MLLT10: variants seen among roughly 807,000 people sequenced by gnomAD.
MLLT10 encodes the protein protein AF-10.
Under a neutral mutation model 129.1 loss-of-function variants are expected in MLLT10, and 30 were observed. The observed-to-expected ratio is 0.23, with a 90% CI of 0.17 to 0.32. The LOEUF (loss-of-function observed/expected upper bound fraction) is 0.32. Among genes scored for constraint, MLLT10 ranks in the 10% least tolerant of loss-of-function variants. The probability of loss-of-function intolerance (pLI) is 1.00; values close to 1 mark genes in which losing one functional copy is unlikely to be tolerated. For synonymous variants in MLLT10, 490 were observed against 446.4 expected (o/e 1.10, Z -1.23); for missense variants, 1,119 against 1,268.3 (o/e 0.88, Z 1.79).
chr10:21,700,863 T>TC (rs2054840955), intron 13 of MLLT10, among the ~76,000 whole-genome samples: 1 of 152,206 alleles, frequency 6.6e-6, no homozygotes, highest in African/African-American at 2.4e-5. Context: ...TAAGGAGAAT[T>TC]CCCTTCTCTT....
chr10:21,656,076 A>C (rs528725436), intron 9 of MLLT10, among the ~76,000 whole-genome samples: 105 of 152,308 alleles, frequency 6.9e-4, no homozygotes, highest in African/African-American at 2.5e-3. Flanking sequence ...CAGGCAAATA[A>C]GATGAGGCCT....
At chr10:21,543,223 C>T (rs899436923) in intron 3 of MLLT10, among the ~76,000 whole-genome samples, 3 of 152,044 alleles carry the variant, frequency 2.0e-5, no homozygotes, top group Non-Finnish European at 2.9e-5. Flanking sequence ...TGGATTCAAG[C>T]GATTTTCCTG....
At chr10:21,641,267 A>G (rs1390331601) in intron 8 of MLLT10, among the ~76,000 whole-genome samples, 1 of 152,218 alleles carries the variant, frequency 6.6e-6, no homozygotes, top group African/African-American at 2.4e-5. Flanking sequence ...TGAAAGTTAA[A>G]AAACAAAATC....
At chr10:21,665,314 G>T (rs1371661413) in intron 9 of MLLT10, among the ~76,000 whole-genome samples, 20 of 92,058 alleles carry the variant, frequency 2.2e-4, no homozygotes, top group African/African-American at 6.7e-4. Flanking sequence ...GGGGGGGGGG[G>T]TTTCACTCTT....
chr10:21,726,240 T>A lies in MLLT10; in HGVS notation c.1879-4T>A. 6.4e-7 allele frequency: 1 copy of A among 1,570,376 alleles called. No homozygotes were observed. The highest frequency in any genetic ancestry group is 8.7e-7 in the Non-Finnish European group (1 of 1,148,510). Reference sequence around the variant, plus strand: ...CATTTATCATTGTAATTTTTTCCATTTAGGCAAATACTCTATCTGGATCTT... The same window carrying A: ...CATTTATCATTGTAATTTTTTCCATATAGGCAAATACTCTATCTGGATCTT... On this transcript the variant is annotated splice_region_variant and splice_polypyrimidine_tract_variant and intron_variant, in intron 14 of 22. Coordinates refer to ENST00000307729, the MANE Select transcript of MLLT10 (RefSeq NM_001195626.3).
chr10:21,615,996 T>C (rs777281433), intron 7 of MLLT10, among the ~76,000 whole-genome samples: 9 of 152,270 alleles, frequency 5.9e-5, no homozygotes, highest in Non-Finnish European at 1.0e-4. Context: ...ATATTTCCCT[T>C]GTGAATGGGG....
At chr10:21,556,977 G>GTGGTC in intron 3 of MLLT10, 1 of 1,517,268 alleles carries the variant, frequency 6.6e-7, no homozygotes, top group Non-Finnish European at 8.8e-7. Flanking sequence ...TGTTTCTGAT[G>GTGGTC]TGGTCTTTTA....
chr10:21,685,960 C>T (rs1057041595), intron 13 of MLLT10, among the ~76,000 whole-genome samples: 37 of 152,136 alleles, frequency 2.4e-4, no homozygotes, highest in African/African-American at 8.9e-4. Flanking sequence ...TATTAAAGAA[C>T]CTAGAAAATA....
chr10:21,595,345 G>A lies in MLLT10; in HGVS notation c.310G>A (p.Val104Ile). 1 of 1,612,854 alleles carries A rather than the reference G, an allele frequency of 6.2e-7. No homozygotes were observed. The highest frequency in any genetic ancestry group is 8.5e-7 in the Non-Finnish European group (1 of 1,179,276). ...RTDNGGWAHV[V>I]CALYIPEVQF... The stretch of plus-strand genomic sequence containing the variant: ...TTTATTTTTAGGTTGGGCCCATGTG[G>A]TTTGTGCCCTGTATATTCCAGAGGT... The change falls in exon 5 of 23, where the codon GTT (valine) becomes ATT (isoleucine). Residue 104 changes from valine (V) to isoleucine (I), a missense_variant. Around this residue, in one of 5 missense-constraint regions of MLLT10, gnomAD observed 3 missense variants for 42.3 expected, o/e 0.07. Coordinates refer to ENST00000307729, the MANE Select transcript of MLLT10 (RefSeq NM_001195626.3).
intron 9 of MLLT10, 135 bp downstream of exon 9, chr10:21,651,903 CTTTTTTTTT>C (rs775460288): frequency 1.3e-4 from 18 of 133,734 alleles, no homozygotes; most frequent in South Asian, 6.0e-4. Flanking sequence ...ATTCTCATTT[CTTTTTTTTT>C]TTTTTTTTTT....
chr10:21,676,595 C>A (rs1438327782), intron 11 of MLLT10, among the ~76,000 whole-genome samples: 1 of 150,548 alleles, frequency 6.6e-6, no homozygotes, highest in Non-Finnish European at 1.5e-5. Flanking sequence ...GTGGCACGCA[C>A]CTGTAGTCCC....
At position 21,538,839 on chromosome 10, in the gene MLLT10, A is replaced by G. The variant is rs1564364824; in HGVS notation, c.167A>G (p.Tyr56Cys). ...GCSVAVHQAC[Y>C]GIVQVPTGPW... Reference sequence around the variant, plus strand: ...ACATTTCATTTTTCAACAGCTTGCTATGGCATTGTTCAAGTACCCACTGGA... The same window carrying G: ...ACATTTCATTTTTCAACAGCTTGCTGTGGCATTGTTCAAGTACCCACTGGA... The change falls in exon 3 of 23, where the codon TAT becomes TGT. Residue 56 changes from tyrosine to cysteine, a missense_variant. Tyr to Cys is a radical substitution (Grantham distance 194). This residue lies in a region of MLLT10 where 33 missense variants were observed against 76.9 expected (regional missense o/e 0.43). Transcript: ENST00000307729. The G allele has an allele frequency of 6.2e-7, 1 of 1,610,782 alleles. No individual in the cohort carries two copies. The highest frequency in any genetic ancestry group is 8.5e-7 in the Non-Finnish European group (1 of 1,177,926).
At chr10:21,651,903 C>CTTTTTTTTTTTTTT (rs775460288) in intron 9 of MLLT10, 135 bp downstream of exon 9, 5 of 129,474 alleles carry the variant, frequency 3.9e-5, no homozygotes, top group African/African-American at 2.5e-4. Context: ...ATTCTCATTT[C>CTTTTTTTTTTTTTT]TTTTTTTTTT....
intron 5 of MLLT10, 71 bp downstream of exon 5, chr10:21,595,511 T>C (rs2042947975): frequency 1.6e-6 from 2 of 1,218,772 alleles, no homozygotes. Context: ...TTTTGTGTTT[T>C]TAAAATCACA....
At chr10:21,573,589 T>A (rs1564436057) in intron 3 of MLLT10, among the ~76,000 whole-genome samples, 1 of 152,098 alleles carries the variant, frequency 6.6e-6, no homozygotes, top group African/African-American at 2.4e-5. Flanking sequence ...TGTCATGGTG[T>A]ATTATTCTTT....
At chr10:21,708,664 A>T (rs1216000788) in intron 13 of MLLT10, 1 of 985,186 alleles carries the variant, frequency 1.0e-6, no homozygotes, top group East Asian at 1.1e-4. Context: ...GTATGTAAGT[A>T]TACGTTGATG....
rs144943617 is a variant in MLLT10, at chr10:21,567,001, C to T, written c.241-19293C>T. 4.8e-3 allele frequency among the ~76,000 whole-genome samples: 726 copies of T among 151,788 alleles called. 5 individuals are homozygous for T. Among genetic ancestry groups the T allele is most frequent in the African/African-American group, 0.017 (690 of 41,422 alleles). ...GCTAATTTTGTATTTTTAGTAGAGACGGAGTTTGTCCATGTTGGTCAGGCT... is the reference window on the plus strand; with the variant it reads ...GCTAATTTTGTATTTTTAGTAGAGATGGAGTTTGTCCATGTTGGTCAGGCT... On this transcript the variant is annotated intron_variant, in intron 3 of 22. Coordinates refer to ENST00000307729, the MANE Select transcript of MLLT10 (RefSeq NM_001195626.3).
intron 8 of MLLT10, chr10:21,626,385 T>C: frequency 1.6e-6 from 1 of 625,810 alleles, no homozygotes; most frequent in African/African-American, 1.8e-5. Context: ...CCCAAGTCTA[T>C]GATTCTTATG....
intron 3 of MLLT10, 98 bp downstream of exon 3, chr10:21,539,010 T>G: frequency 1.3e-6 from 1 of 767,352 alleles, no homozygotes. Flanking sequence ...CAGTCATTTC[T>G]TCAAATATCA....
Sources: allele counts gnomAD v4.1 joint callset (sites outside exome capture counted in the v4.1 genomes callset), GRCh38; gene constraint gnomAD v4.1.1; regional missense constraint gnomAD v4.1.1; transcripts MANE v1.5; gene names NCBI Gene and HGNC (gene_info 2026-07-23, HGNC 2026-07-21).